BCAS3: variants seen among roughly 807,000 people sequenced by gnomAD.
BCAS3 encodes BCAS4/BCAS3 fusion.
Under a neutral mutation model 116.1 loss-of-function variants are expected in BCAS3, and 53 were observed. That is an observed-to-expected ratio of 0.46 (90% CI 0.37 to 0.57). The LOEUF (loss-of-function observed/expected upper bound fraction) is 0.57, where lower values mean the gene tolerates loss of function less well. BCAS3 is among the 20% of genes least tolerant of loss of function. The pLI, the probability that BCAS3 is intolerant of heterozygous loss-of-function variation, is 0.00. For synonymous variants in BCAS3, 391 were observed against 408.2 expected, an observed-to-expected ratio of 0.96 and a Z score of 0.51; for missense variants, 917 against 1,165.4, an observed-to-expected ratio of 0.79 and a Z score of 3.10.
rs1324471515 is a variant in BCAS3 at position 61,189,082 on chromosome 17, G to A, written c.2425+104518G>A. Among the ~76,000 whole-genome samples, 1 of 152,064 alleles carries A rather than the reference G, an allele frequency of 6.6e-6. No homozygotes were observed. Among genetic ancestry groups the A allele is most frequent in the Non-Finnish European group, 1.5e-5 (1 of 68,020 alleles). ...TATGCCCCTACACTCCAGCCTGGGT[G>A]ACAAAACAAGACCCTGCCTGAAAAC... On this transcript the variant is annotated intron_variant, in intron 22 of 23. Transcript: ENST00000407086. This position sits in a 1 kb window ranked among gnomAD's most constrained non-coding sequence, Gnocchi z 4.5.
At position 61,023,965 on chromosome 17, in the gene BCAS3, G is replaced by T. The variant is rs916507003; in HGVS notation, c.1637+8064G>T. Among the ~76,000 whole-genome samples the T allele has an allele frequency of 5.9e-5, 9 of 152,064 alleles. No homozygotes were observed. Among genetic ancestry groups the T allele is most frequent in the Non-Finnish European group, 1.2e-4 (8 of 67,980 alleles). On this transcript the variant is annotated intron_variant, in intron 16 of 23. Coordinates refer to ENST00000407086, the MANE Select transcript of BCAS3 (RefSeq NM_017679.5). The surrounding 1 kb of genome is among the most constrained non-coding windows in gnomAD (Gnocchi z 4.8). ...ATTCGAGTTTGAATATAGTAATTTGGGTTGCCTCTGTTAATACAGAGAATA... is the reference window on the plus strand; with the variant it reads ...ATTCGAGTTTGAATATAGTAATTTGTGTTGCCTCTGTTAATACAGAGAATA...
In BCAS3 at chr17:61,012,723, G is replaced by C. The variant is rs752992077; in HGVS notation, c.1487-3028G>C. 3.9e-5 allele frequency among the ~76,000 whole-genome samples: 6 copies of C among 152,036 alleles called. No individual in the cohort carries two copies. The highest frequency in any genetic ancestry group is 9.7e-5 in the African/African-American group (4 of 41,436). ...GGAGCAGGCTGAGAAGGATAGATCT[G>C]AAGTTCTTTGTATGCTATTCTGAGG... On this transcript the variant is annotated intron_variant, in intron 15 of 23. Transcript: ENST00000407086. The surrounding 1 kb of genome is among the most constrained non-coding windows in gnomAD (Gnocchi z 4.5).
At chr17:60,838,400 G>A (rs370331355) in intron 7 of BCAS3, among the ~76,000 whole-genome samples, 8 of 151,964 alleles carry the variant, frequency 5.3e-5, no homozygotes, top group South Asian at 2.1e-4. Context: ...TTAATAACTC[G>A]GAGGTGGTGA....
rs959504092 is a variant in BCAS3 at position 61,082,374 on chromosome 17, T to C, written c.2328-2093T>C. On this transcript the variant is annotated intron_variant, in intron 21 of 23. Coordinates refer to ENST00000407086, the MANE Select transcript of BCAS3 (RefSeq NM_017679.5). This position sits in a 1 kb window ranked among gnomAD's most constrained non-coding sequence, Gnocchi z 5.1. ...CAACCAGTTTTTCTCTTTTTTTAAT[T>C]ATGAAGAAAATTCAAACATGTATAA... is the stretch of plus-strand genomic sequence containing the variant. Among the ~76,000 whole-genome samples the C allele has an allele frequency of 1.3e-5, 2 of 152,150 alleles. No homozygotes were observed. Among genetic ancestry groups the C allele is most frequent in the East Asian group, 3.9e-4 (2 of 5,194 alleles).
intron 22 of BCAS3, among the ~76,000 whole-genome samples, chr17:61,266,041 C>T (rs2049670044): frequency 6.6e-6 from 1 of 152,140 alleles, no homozygotes. Context: ...CATATGAAAG[C>T]TCTTGTGGTC....
At chr17:60,959,750 A>G (rs937018862) in intron 14 of BCAS3, among the ~76,000 whole-genome samples, 2 of 152,204 alleles carry the variant, frequency 1.3e-5, no homozygotes, top group African/African-American at 4.8e-5. Flanking sequence ...GGAGCCTAAA[A>G]TATCAAAAAT....
intron 6 of BCAS3, among the ~76,000 whole-genome samples, chr17:60,794,919 G>A (rs536926959): frequency 4.6e-5 from 7 of 152,206 alleles, no homozygotes; most frequent in African/African-American, 1.2e-4. Context: ...TTTTAGAATT[G>A]TTTTTTCTAA....
intron 21 of BCAS3, among the ~76,000 whole-genome samples, chr17:61,080,127 A>G (rs998825057): frequency 9.4e-5 from 14 of 148,168 alleles, no homozygotes; most frequent in African/African-American, 3.5e-4. Flanking sequence ...CTGGTCTTGA[A>G]CTCCTGACCT....
rs1296928757 is a variant in BCAS3 at position 61,282,994 on chromosome 17, C to T, written c.2426-85333C>T. Among the ~76,000 whole-genome samples, 1 of 150,434 alleles carries T rather than the reference C, an allele frequency of 6.6e-6. No homozygotes were observed. The highest frequency in any genetic ancestry group is 1.5e-5 in the Non-Finnish European group (1 of 67,704). The stretch of plus-strand genomic sequence containing the variant: ...TATAAATTTTTTTCACTGTGATTTT[C>T]CCCCTTTAAAAATAAATCAGCCCAT... On this transcript the variant is annotated intron_variant, in intron 22 of 23. Transcript: ENST00000407086. This position sits in a 1 kb window ranked among gnomAD's most constrained non-coding sequence, Gnocchi z 5.9.
chr17:60,711,808 T>C (rs1352588655), intron 5 of BCAS3, among the ~76,000 whole-genome samples: 1 of 151,810 alleles, frequency 6.6e-6, no homozygotes, highest in East Asian at 1.9e-4. Flanking sequence ...ATCCCAGCAC[T>C]TTGGGAGGCT....
At chr17:60,842,212 A>C (rs962889048) in intron 7 of BCAS3, among the ~76,000 whole-genome samples, 2 of 152,252 alleles carry the variant, frequency 1.3e-5, no homozygotes, top group Non-Finnish European at 2.9e-5. Context: ...CAACAAAAGT[A>C]AATGATAGGT....
At chr17:60,985,820 TC>T (rs2063109346) in intron 14 of BCAS3, among the ~76,000 whole-genome samples, 1 of 152,228 alleles carries the variant, frequency 6.6e-6, no homozygotes, top group African/African-American at 2.4e-5. Flanking sequence ...CACTGCAACC[TC>T]CACCTCCTGG....
intron 9 of BCAS3, among the ~76,000 whole-genome samples, chr17:60,877,815 C>T (rs1268607302): frequency 1.3e-5 from 2 of 152,086 alleles, no homozygotes; most frequent in South Asian, 2.1e-4. Flanking sequence ...GTAATGTTTG[C>T]ATACTGGCTG....
rs1316520646 is a variant in BCAS3 at position 61,026,781 on chromosome 17, A to G, written c.1638-7885A>G. The G allele has an allele frequency of 4.8e-6, 6 of 1,254,308 alleles. No individual in the cohort carries two copies. Among genetic ancestry groups the G allele is most frequent in the Non-Finnish European group, 4.6e-6 (4 of 876,486 alleles). The allele number at this position is 1,254,308 out of a possible 1,614,324, so 77.7% of individuals were successfully genotyped here. On this transcript the variant is annotated intron_variant, in intron 16 of 23. Coordinates refer to ENST00000407086, the MANE Select transcript of BCAS3 (RefSeq NM_017679.5). The surrounding 1 kb of genome is among the most constrained non-coding windows in gnomAD (Gnocchi z 5.0). ...TTTTAGTTATTTTTATCCATACTCT[A>G]TAACAGTATGATATACTTGTATTTG...
intron 22 of BCAS3, among the ~76,000 whole-genome samples, chr17:61,291,004 T>C (rs567014733): frequency 6.6e-6 from 1 of 152,216 alleles, no homozygotes; most frequent in East Asian, 1.9e-4. Flanking sequence ...ATGATCTCGA[T>C]CTCCTGACCT....
chr17:60,782,917 C>A (rs2144498186), intron 6 of BCAS3, among the ~76,000 whole-genome samples: 1 of 152,100 alleles, frequency 6.6e-6, no homozygotes, highest in Non-Finnish European at 1.5e-5. Context: ...TTAAGGCTTA[C>A]TCTGTCATGC....
Position 61,390,083 on chromosome 17 carries a change from G to T in BCAS3, c.2594-1894G>T, listed in dbSNP as rs959691089. 2 of 152,480 alleles carry T rather than the reference G, an allele frequency of 1.3e-5. No individual in the cohort carries two copies. The highest frequency in any genetic ancestry group is 3.4e-3 in the Middle Eastern group (1 of 298). 9.4% of individuals were successfully genotyped at this position (152,480 alleles called of 1,614,324 possible). A position where few individuals can be genotyped will look rare whatever the true frequency, so the allele number is the denominator to read the frequency against. On this transcript the variant is annotated intron_variant, in intron 23 of 23. Coordinates refer to ENST00000407086, the MANE Select transcript of BCAS3 (RefSeq NM_017679.5). The surrounding 1 kb of genome is among the most constrained non-coding windows in gnomAD (Gnocchi z 6.8). Reference sequence around the variant, plus strand: ...GCCCCTGCTTTTCTTGCGCCTGCCGGTGCTCTTCTCCCGCCCGCCTGGCCC... The same window carrying T: ...GCCCCTGCTTTTCTTGCGCCTGCCGTTGCTCTTCTCCCGCCCGCCTGGCCC...
chr17:60,896,321 A>G (rs913264160), intron 10 of BCAS3, among the ~76,000 whole-genome samples: 1 of 152,202 alleles, frequency 6.6e-6, no homozygotes, highest in Non-Finnish European at 1.5e-5. Context: ...CTCAGTCTCA[A>G]TAAATAAATA....
chr17:61,223,785 G>C (rs889910238), intron 22 of BCAS3, among the ~76,000 whole-genome samples: 11 of 152,178 alleles, frequency 7.2e-5, no homozygotes, highest in African/African-American at 2.7e-4. Flanking sequence ...ACTTGTATTT[G>C]CACCTCTGAG....
Sources: gnomAD v4.1 joint callset for allele counts (sites outside exome capture counted in the v4.1 genomes callset) on GRCh38, gnomAD v4.1.1 for gene constraint, Gnocchi (gnomAD v3.1) non-coding constraint, MANE v1.5 for transcripts, NCBI Gene and HGNC (gene_info 2026-07-23, HGNC 2026-07-21) for gene names.